The following PRELID2 variants were observed in gnomAD, a reference collection of about 807,000 sequenced individuals.
The protein encoded by PRELID2 is PRELI domain containing 2.
PRELID2 carries 25 observed loss-of-function variants against 28.4 expected under a neutral mutation model. That is an observed-to-expected ratio of 0.88 (90% CI 0.64 to 1.23). The LOEUF (loss-of-function observed/expected upper bound fraction) is 1.23, where lower values mean the gene tolerates loss of function less well. Ranked by LOEUF, PRELID2 falls within the 50% of genes most tolerant of loss-of-function variation. The pLI, the probability that PRELID2 is intolerant of heterozygous loss-of-function variation, is 0.00. For synonymous variants in PRELID2, 76 were observed against 71.6 expected, an observed-to-expected ratio of 1.06 and a Z score of -0.31; for missense variants, 201 against 214.4, an observed-to-expected ratio of 0.94 and a Z score of 0.39.
the PRELID2 span, among the ~76,000 whole-genome samples, chr5:145,313,191 T>C: frequency 0.011 from 1,682 of 152,254 alleles, 35 homozygotes; most frequent in African/African-American, 0.039. Flanking sequence ...ATATATAAGG[T>C]AACAAATTAA....
chr5:145,247,217 C>T, the PRELID2 span, among the ~76,000 whole-genome samples: 2 of 152,244 alleles, frequency 1.3e-5, no homozygotes, highest in Non-Finnish European at 1.5e-5. Context: ...CCATCTGCAA[C>T]GTGACCAATC....
chr5:145,532,552 A>G (rs1255569061), intron 1 of PRELID2, among the ~76,000 whole-genome samples: 2 of 152,056 alleles, frequency 1.3e-5, no homozygotes, highest in Non-Finnish European at 2.9e-5. Context: ...TGTACAATAG[A>G]TCTGCAGAAT....
At chr5:145,576,981 A>G (rs1206946381) in intron 1 of PRELID2, among the ~76,000 whole-genome samples, 2 of 152,154 alleles carry the variant, frequency 1.3e-5, no homozygotes, top group African/African-American at 4.8e-5. Flanking sequence ...TCTGTCCAGC[A>G]TTATGCTTGT....
At chr5:145,282,956 G>A in the PRELID2 span, among the ~76,000 whole-genome samples, 1 of 152,276 alleles carries the variant, frequency 6.6e-6, no homozygotes, top group South Asian at 2.1e-4. Context: ...ATTTAGGGGT[G>A]GGATGGTTAA....
chr5:145,430,742 G>GCATTC, the PRELID2 span, among the ~76,000 whole-genome samples: 1 of 152,116 alleles, frequency 6.6e-6, no homozygotes, highest in Non-Finnish European at 1.5e-5. Flanking sequence ...TGCATGCTGT[G>GCATTC]CATTCTCACA....
In PRELID2 at chr5:145,763,304, G is replaced by A. The variant is rs1026946171; in HGVS notation, c.*10+1627C>T. Among the ~76,000 whole-genome samples the A allele has an allele frequency of 1.3e-5, 2 of 152,180 alleles. 1 individual carries two copies. Among genetic ancestry groups the A allele is most frequent in the South Asian group, 4.1e-4 (2 of 4,824 alleles). Reference sequence around the variant, plus strand: ...AAAACCAGGGAGATGTGGCCAAGTTGTTCTCTATAATTTTTTAAGGAACAG... The same window carrying A: ...AAAACCAGGGAGATGTGGCCAAGTTATTCTCTATAATTTTTTAAGGAACAG... On this transcript the variant is annotated intron_variant, in intron 6 of 6. Coordinates refer to ENST00000683046, the MANE Select transcript of PRELID2 (RefSeq NM_205846.3).
chr5:145,689,707 C>T (rs536785866), intron 1 of PRELID2, among the ~76,000 whole-genome samples: 1 of 152,248 alleles, frequency 6.6e-6, no homozygotes, highest in African/African-American at 2.4e-5. Flanking sequence ...GGAGATGAAG[C>T]CCACCCAACA....
chr5:145,362,830 G>C, the PRELID2 span, among the ~76,000 whole-genome samples: 13 of 152,158 alleles, frequency 8.5e-5, no homozygotes, highest in Admixed American at 3.9e-4. Context: ...GAAAGGAATA[G>C]ATCTTTCTAA....
chr5:145,663,160 A>G (rs1212276755), intron 1 of PRELID2, among the ~76,000 whole-genome samples: 3 of 152,106 alleles, frequency 2.0e-5, no homozygotes, highest in Non-Finnish European at 4.4e-5. Context: ...CATTTTCTCA[A>G]AGAGTTACCT....
Position 145,671,113 on chromosome 5 carries a change from TATA to T in PRELID2, n.70+93815_70+93817del, listed in dbSNP as rs140730182. 5.1e-4 allele frequency among the ~76,000 whole-genome samples: 78 copies of T among 152,302 alleles called. No homozygotes were observed. The East Asian group carries it at 0.013, about 25-fold the overall frequency. ...GCTATTGTTAACAAACCGAATTTCC[TATA>T]ATGACAAAAATGTTCCTCTCAGAAA... On this transcript the variant is annotated intron_variant and non_coding_transcript_variant, in intron 1 of 2. Coordinates refer to the PRELID2 transcript ENST00000510259.
At chr5:145,351,596 T>C in the PRELID2 span, among the ~76,000 whole-genome samples, 1 of 151,950 alleles carries the variant, frequency 6.6e-6, no homozygotes, top group African/African-American at 2.4e-5. Context: ...TCCACCCTTT[T>C]CCCCTCCTAA....
chr5:145,506,939 G>A (rs1022349189), intron 1 of PRELID2, among the ~76,000 whole-genome samples: 1 of 151,886 alleles, frequency 6.6e-6, no homozygotes, highest in Non-Finnish European at 1.5e-5. Context: ...TTTGTTTATT[G>A]TATGCATAAA....
Position 145,763,329 on chromosome 5 carries a change from G to A in PRELID2, c.*10+1602C>T, listed in dbSNP as rs138237707. Among the ~76,000 whole-genome samples the A allele has an allele frequency of 2.6e-5, 4 of 152,334 alleles. No homozygotes were observed. In the East Asian group the frequency reaches 7.7e-4, roughly 29 times the overall value. ...GTTCTCTATAATTTTTTAAGGAACA[G>A]GGTGGGTGTAGGAGTAAACCATATT... On this transcript the variant is annotated intron_variant, in intron 6 of 6. Coordinates refer to ENST00000683046, the MANE Select transcript of PRELID2 (RefSeq NM_205846.3).
intron 1 of PRELID2, among the ~76,000 whole-genome samples, chr5:145,631,728 T>A (rs1753935351): frequency 6.6e-6 from 1 of 152,212 alleles, no homozygotes; most frequent in Non-Finnish European, 1.5e-5. Context: ...AGTAACTCTA[T>A]ATTGTCACCA....
At chr5:145,438,181 C>A in the PRELID2 span, among the ~76,000 whole-genome samples, 1 of 152,052 alleles carries the variant, frequency 6.6e-6, no homozygotes, top group East Asian at 1.9e-4. Context: ...ATGATAGATA[C>A]AAACTCAGGA....
the PRELID2 span, among the ~76,000 whole-genome samples, chr5:145,364,759 T>C: frequency 5.3e-5 from 8 of 151,980 alleles, no homozygotes; most frequent in Admixed American, 3.9e-4. Context: ...CCAAATTACA[T>C]AGTATCTTAC....
intron 1 of PRELID2, among the ~76,000 whole-genome samples, chr5:145,513,750 G>A (rs888397784): frequency 1.3e-5 from 2 of 152,160 alleles, no homozygotes; most frequent in South Asian, 4.1e-4. Flanking sequence ...CCAGAGGAAT[G>A]TCGGGTTACT....
At chr5:145,434,258 C>T in the PRELID2 span, among the ~76,000 whole-genome samples, 1 of 152,158 alleles carries the variant, frequency 6.6e-6, no homozygotes, top group Non-Finnish European at 1.5e-5. Flanking sequence ...GCACACACTG[C>T]TACTAAATCA....
At chr5:145,297,781 C>T in the PRELID2 span, among the ~76,000 whole-genome samples, 11 of 152,144 alleles carry the variant, frequency 7.2e-5, no homozygotes, top group South Asian at 1.9e-3. Flanking sequence ...TCTCAGGATA[C>T]AAAATCAAGG....
Sources: allele counts gnomAD v4.1 joint callset (sites outside exome capture counted in the v4.1 genomes callset), GRCh38; gene constraint gnomAD v4.1.1; transcripts MANE v1.5; gene names NCBI Gene and HGNC (gene_info 2026-07-23, HGNC 2026-07-21).